Variants in NSUN6 observed in about 807,000 individuals in gnomAD.
NSUN6 encodes the protein NOP2/Sun RNA methyltransferase 6.
In NSUN6, 64 loss-of-function variants were observed where a neutral mutation model predicts 58.0. The observed-to-expected ratio is 1.10, with a 90% CI of 0.90 to 1.36. NSUN6 has a LOEUF of 1.36. NSUN6 is among the 40% of genes most tolerant of loss of function. The pLI is 0.00. For missense variants in NSUN6, 701 were observed against 550.1 expected (o/e 1.27, Z -2.74); for synonymous variants, 231 against 193.9 (o/e 1.19, Z -1.59).
intron 8 of NSUN6, among the ~76,000 whole-genome samples, chr10:18,583,395 G>A (rs2131089303): frequency 6.6e-6 from 1 of 152,214 alleles, no homozygotes; most frequent in Admixed American, 6.5e-5. Context: ...CCTGCTTGGT[G>A]GTCTCTTCAC....
At chr10:18,548,289 T>G in intron 9 of NSUN6, 52 bp from the exon 10 acceptor site, 1 of 1,513,656 alleles carries the variant, frequency 6.6e-7, no homozygotes, top group Non-Finnish European at 9.0e-7. Context: ...GATAAACATA[T>G]GAATGAATTT....
intron 3 of NSUN6, among the ~76,000 whole-genome samples, chr10:18,620,196 T>C (rs1306393432): frequency 6.6e-6 from 1 of 152,018 alleles, no homozygotes; most frequent in Admixed American, 6.6e-5. Context: ...CACGCCATTC[T>C]CCTGCCTCAG....
intron 7 of NSUN6, among the ~76,000 whole-genome samples, chr10:18,589,769 G>A (rs1429040328): frequency 6.6e-6 from 1 of 152,016 alleles, no homozygotes; most frequent in African/African-American, 2.4e-5. Flanking sequence ...CACTAAATAT[G>A]GAAAGGAAAA....
intron 2 of NSUN6, among the ~76,000 whole-genome samples, chr10:18,647,725 GTTTTTTTTTTTT>G (rs571301351): frequency 4.0e-5 from 4 of 100,090 alleles, no homozygotes; most frequent in Non-Finnish European, 6.0e-5. Flanking sequence ...TCAACACCTT[GTTTTTTTTTTTT>G]TTTTTTTTTT....
intron 5 of NSUN6, 41 bp from the exon 6 acceptor site, chr10:18,609,967 A>G (rs2058175314): frequency 2.6e-6 from 3 of 1,154,852 alleles, no homozygotes; most frequent in African/African-American, 3.0e-5. Flanking sequence ...TATAAATTCC[A>G]TGGTCTATAC....
chr10:18,575,079 T>C (rs2056582664), intron 8 of NSUN6, among the ~76,000 whole-genome samples: 1 of 152,136 alleles, frequency 6.6e-6, no homozygotes, highest in Non-Finnish European at 1.5e-5. Flanking sequence ...TGAAAATGGA[T>C]ATTGCCAGAC....
At chr10:18,550,332 G>A (rs2054522287) in intron 9 of NSUN6, among the ~76,000 whole-genome samples, 1 of 152,178 alleles carries the variant, frequency 6.6e-6, no homozygotes, top group Non-Finnish European at 1.5e-5. Context: ...AAAAGACGAA[G>A]TTAAATAATA....
intron 7 of NSUN6, among the ~76,000 whole-genome samples, chr10:18,593,198 A>G (rs2057445003): frequency 6.6e-6 from 1 of 152,220 alleles, no homozygotes; most frequent in South Asian, 2.1e-4. Context: ...AAAAGTCAGG[A>G]AACAACAGAT....
At chr10:18,600,941 A>ATATATATATATATATATATAT (rs1554869914) in intron 6 of NSUN6, among the ~76,000 whole-genome samples, 13 of 43,520 alleles carry the variant, frequency 3.0e-4, no homozygotes, top group Non-Finnish European at 5.4e-4. Context: ...AAAAAAAAAA[A>ATATATATATATATATATATAT]ATATATATAT....
chr10:18,647,084 C>A (rs1013862881), intron 2 of NSUN6, among the ~76,000 whole-genome samples: 3 of 152,022 alleles, frequency 2.0e-5, no homozygotes, highest in African/African-American at 7.2e-5. Flanking sequence ...CACTGAGATG[C>A]CATAGCTGGT....
At position 18,596,202 on chromosome 10, in the gene NSUN6, T is replaced by C; in HGVS notation, c.777+6A>G. 1 of 1,609,502 alleles carries C rather than the reference T, an allele frequency of 6.2e-7. No homozygotes were observed. Among genetic ancestry groups the C allele is most frequent in the Admixed American group, 1.7e-5 (1 of 59,870 alleles). On this transcript the variant is annotated splice_donor_region_variant and intron_variant, in intron 7 of 10. Coordinates refer to ENST00000377304, the MANE Select transcript of NSUN6 (RefSeq NM_182543.5). ...GAGAGTGGATTTGCTGTGAAGACAG[T>C]CTCACCTGATCATGCATTAGTGCTG...
intron 7 of NSUN6, among the ~76,000 whole-genome samples, chr10:18,590,674 T>A (rs2057345626): frequency 6.6e-6 from 1 of 152,126 alleles, no homozygotes; most frequent in Non-Finnish European, 1.5e-5. Flanking sequence ...AATAAAACAA[T>A]TTAGGCAGAA....
At chr10:18,615,734 C>A (rs1283173339) in intron 4 of NSUN6, among the ~76,000 whole-genome samples, 1 of 152,110 alleles carries the variant, frequency 6.6e-6, no homozygotes, top group Non-Finnish European at 1.5e-5. Flanking sequence ...ACCACTGAAC[C>A]ACAGTGACTA....
chr10:18,602,368 C>G (rs547018493), intron 6 of NSUN6, among the ~76,000 whole-genome samples: 1 of 151,954 alleles, frequency 6.6e-6, no homozygotes, highest in African/African-American at 2.4e-5. Flanking sequence ...CTCAGCCTCC[C>G]GAGTAGCTGG....
intron 3 of NSUN6, among the ~76,000 whole-genome samples, chr10:18,639,952 C>G (rs1405212564): frequency 1.3e-5 from 2 of 152,176 alleles, no homozygotes; most frequent in African/African-American, 2.4e-5. Context: ...TGCAGACATG[C>G]TTATGCAAGT....
chr10:18,601,518 T>TCC (rs1328206780), intron 6 of NSUN6, among the ~76,000 whole-genome samples: 1 of 54,722 alleles, frequency 1.8e-5, no homozygotes, highest in African/African-American at 7.1e-5. Context: ...GGAGTAATTT[T>TCC]CCTAGTGGCT....
upstream of NSUN6, among the ~76,000 whole-genome samples, chr10:18,657,028 A>T (rs928476135): frequency 1.3e-5 from 2 of 152,140 alleles, no homozygotes; most frequent in African/African-American, 4.8e-5. Context: ...GGATTTCTCC[A>T]TGTTGTCTGG....
chr10:18,647,225 C>A lies in NSUN6; in HGVS notation c.231+1265G>T, dbSNP rs191135373. On this transcript the variant is annotated intron_variant, in intron 2 of 10. Coordinates refer to ENST00000377304, the MANE Select transcript of NSUN6 (RefSeq NM_182543.5). ...GGATAAGTGACTCAGTGATAATTTT[C>A]TGAAATTTTCTAAATAACTAAATAC... Among the ~76,000 whole-genome samples, 36 of 152,182 alleles carry A rather than the reference C, an allele frequency of 2.4e-4. No individual in the cohort carries two copies. In the East Asian group the frequency reaches 4.6e-3, roughly 20 times the overall value.
upstream of NSUN6, among the ~76,000 whole-genome samples, chr10:18,655,563 AAG>A (rs1284210917): frequency 1.3e-5 from 2 of 152,204 alleles, no homozygotes; most frequent in Non-Finnish European, 2.9e-5. Context: ...CTGACATGTC[AAG>A]AGAGTCAACT....
Sources: allele counts gnomAD v4.1 joint callset (sites outside exome capture counted in the v4.1 genomes callset), GRCh38; gene constraint gnomAD v4.1.1; transcripts MANE v1.5; gene names NCBI Gene and HGNC (gene_info 2026-07-23, HGNC 2026-07-21).